Variants in PLS1 observed in about 807,000 individuals in gnomAD.
PLS1 encodes the protein plastin-1.
In PLS1, 32 loss-of-function variants were observed where a neutral mutation model predicts 73.7. The ratio of observed to expected loss-of-function variants is 0.43; its 90% CI spans 0.33 to 0.58. PLS1 has a LOEUF of 0.58. PLS1 is among the 20% of genes least tolerant of loss of function. PLS1 has a pLI of 0.04. For synonymous variants in PLS1, 217 were observed against 261.3 expected (o/e 0.83, Z 1.63); for missense variants, 633 against 740.5 (o/e 0.85, Z 1.68).
chr3:142,654,337 A>G (rs1216349657), intron 1 of PLS1, among the ~76,000 whole-genome samples: 1 of 152,184 alleles, frequency 6.6e-6, no homozygotes, highest in African/African-American at 2.4e-5. Context: ...TGATTAGGAA[A>G]AAGTTTACAA....
At chr3:142,707,956 T>TA (rs1402826676) in intron 14 of PLS1, among the ~76,000 whole-genome samples, 1 of 152,200 alleles carries the variant, frequency 6.6e-6, no homozygotes, top group Non-Finnish European at 1.5e-5. Flanking sequence ...AGTATCTGTG[T>TA]GACCATGGGC....
intron 14 of PLS1, among the ~76,000 whole-genome samples, chr3:142,706,178 C>A (rs1342323389): frequency 6.6e-6 from 1 of 151,996 alleles, no homozygotes; most frequent in African/African-American, 2.4e-5. Context: ...AAGAAAAAGG[C>A]ATAAAGTATA....
chr3:142,602,526 T>C (rs1210953612), intron 1 of PLS1, among the ~76,000 whole-genome samples: 1 of 151,978 alleles, frequency 6.6e-6, no homozygotes, highest in East Asian at 1.9e-4. Flanking sequence ...AGTTGTGAAG[T>C]CCCTGTGGAC....
rs1406096260 is a variant in PLS1 at position 142,703,903 on chromosome 3, G to T, written c.1407G>T (p.Lys469Asn). The change falls in exon 13 of 16, where the codon AAG (lysine) becomes AAT (asparagine). Residue 469 changes from lysine to asparagine, a missense_variant. Coordinates refer to ENST00000457734, the MANE Select transcript of PLS1 (RefSeq NM_001145319.2). ...ENCNYAVELG[K>N]NKAKFSLVGI... ...GTAACTATGCAGTGGAACTTGGGAA[G>T]AACAAGGCCAAATTCTCCTTGGTTG... is the stretch of plus-strand genomic sequence containing the variant. The T allele has an allele frequency of 2.5e-6, 4 of 1,611,262 alleles. No homozygotes were observed. In the South Asian group the frequency reaches 4.4e-5, roughly 18 times the overall value.
chr3:142,597,795 C>T (rs188924263), intron 1 of PLS1, among the ~76,000 whole-genome samples: 23 of 152,344 alleles, frequency 1.5e-4, no homozygotes, highest in Admixed American at 1.3e-3. Flanking sequence ...AGATACTCTT[C>T]TTTACCTCCA....
intron 1 of PLS1, among the ~76,000 whole-genome samples, chr3:142,657,930 G>A (rs2037277552): frequency 6.6e-6 from 1 of 152,032 alleles, no homozygotes; most frequent in Non-Finnish European, 1.5e-5. Context: ...AATTTCCCCT[G>A]TTCAAAAACA....
At chr3:142,608,839 C>T (rs1258566430) in intron 1 of PLS1, among the ~76,000 whole-genome samples, 3 of 152,162 alleles carry the variant, frequency 2.0e-5, no homozygotes, top group Non-Finnish European at 4.4e-5. Flanking sequence ...ATTCCTGCCA[C>T]ATGTCTTCTG....
chr3:142,674,276 GTA>G (rs1261329338), intron 4 of PLS1, among the ~76,000 whole-genome samples: 1 of 152,176 alleles, frequency 6.6e-6, no homozygotes, highest in East Asian at 1.9e-4. Flanking sequence ...AAGGAGGTGT[GTA>G]TGAGGAGGCG....
At chr3:142,641,220 A>C (rs1353356971) in intron 1 of PLS1, among the ~76,000 whole-genome samples, 1 of 145,512 alleles carries the variant, frequency 6.9e-6, no homozygotes, top group Non-Finnish European at 1.5e-5. Context: ...TATTATATAT[A>C]GATATATATA....
At chr3:142,688,104 C>T (rs1188045657) in intron 9 of PLS1, among the ~76,000 whole-genome samples, 2 of 152,040 alleles carry the variant, frequency 1.3e-5, no homozygotes, top group Non-Finnish European at 2.9e-5. Flanking sequence ...CACACCACCA[C>T]ACCTGGTTAA....
intron 1 of PLS1, among the ~76,000 whole-genome samples, chr3:142,606,100 T>C (rs2036012579): frequency 6.6e-6 from 1 of 152,188 alleles, no homozygotes; most frequent in Admixed American, 6.5e-5. Flanking sequence ...CCTGAAACAT[T>C]GTACAAAAGG....
chr3:142,603,421 G>C (rs543274249), intron 1 of PLS1, among the ~76,000 whole-genome samples: 1 of 152,270 alleles, frequency 6.6e-6, no homozygotes, highest in African/African-American at 2.4e-5. Context: ...GTGGTGAAGG[G>C]ACTTCAGACT....
intron 1 of PLS1, among the ~76,000 whole-genome samples, chr3:142,648,556 T>C (rs2037009956): frequency 1.3e-5 from 2 of 152,222 alleles, no homozygotes; most frequent in South Asian, 4.1e-4. Flanking sequence ...AGTAGCAATA[T>C]AGTGACATTA....
At chr3:142,682,783 A>C (rs1204689851) in intron 6 of PLS1, among the ~76,000 whole-genome samples, 1 of 152,258 alleles carries the variant, frequency 6.6e-6, no homozygotes, top group Non-Finnish European at 1.5e-5. Flanking sequence ...CATTTGAAGC[A>C]GGAGTGTTAA....
At chr3:142,667,788 C>G (rs929105722) in intron 2 of PLS1, among the ~76,000 whole-genome samples, 3 of 152,070 alleles carry the variant, frequency 2.0e-5, no homozygotes, top group Admixed American at 6.6e-5. Flanking sequence ...ATAAGCCAGC[C>G]TAATCTATGT....
chr3:142,640,108 G>A (rs2036797632), intron 1 of PLS1, among the ~76,000 whole-genome samples: 1 of 152,140 alleles, frequency 6.6e-6, no homozygotes, highest in African/African-American at 2.4e-5. Flanking sequence ...TCAGAGACAG[G>A]AAACAATACA....
In PLS1 at chr3:142,664,311, T is replaced by C; in HGVS notation, c.70+4T>C. The C allele has an allele frequency of 6.7e-7, 1 of 1,496,912 alleles. No individual in the cohort carries two copies. The highest frequency in any genetic ancestry group is 9.3e-7 in the Non-Finnish European group (1 of 1,078,658). The allele number at this position is 1,496,912 out of a possible 1,614,324, so 92.7% of individuals were successfully genotyped here. A position where few individuals can be genotyped will look rare whatever the true frequency, so the allele number is the denominator to read the frequency against. On this transcript the variant is annotated splice_donor_region_variant and intron_variant, in intron 2 of 15. Transcript: ENST00000457734. ...CAAGAGGCATTTAATAAAATAGGTA[T>C]GCTTGAGAAAAAGTAAATATGATAT... is the stretch of plus-strand genomic sequence containing the variant.
At chr3:142,621,608 G>A (rs1246567681) in intron 1 of PLS1, among the ~76,000 whole-genome samples, 1 of 152,138 alleles carries the variant, frequency 6.6e-6, no homozygotes, top group Non-Finnish European at 1.5e-5. Flanking sequence ...ATACACATGT[G>A]CATAGAAGAA....
chr3:142,681,804 G>A (rs1433037567), intron 6 of PLS1, among the ~76,000 whole-genome samples: 1 of 152,080 alleles, frequency 6.6e-6, no homozygotes, highest in African/African-American at 2.4e-5. Flanking sequence ...CTACTAACTG[G>A]TAGGGCAATA....
Sources: gnomAD v4.1 joint callset for allele counts (sites outside exome capture counted in the v4.1 genomes callset) on GRCh38, gnomAD v4.1.1 for gene constraint, MANE v1.5 for transcripts, NCBI Gene and HGNC (gene_info 2026-07-23, HGNC 2026-07-21) for gene names.